Variants in EXOC4 observed in about 807,000 individuals in gnomAD.
EXOC4 encodes the protein exocyst complex component 4.
In EXOC4, 71 loss-of-function variants were observed where a neutral mutation model predicts 107.2. The observed-to-expected ratio is 0.66, with a 90% confidence interval of 0.55 to 0.81. The LOEUF is 0.81. EXOC4 is among the 30% of genes least tolerant of loss of function. The probability of loss-of-function intolerance (pLI) is 0.00; values close to 1 mark genes in which losing one functional copy is unlikely to be tolerated. For missense variants in EXOC4, 1,108 were observed against 1,189.6 expected (o/e 0.93, Z 1.01); for synonymous variants, 456 against 441.2 (o/e 1.03, Z -0.42).
intron 10 of EXOC4, among the ~76,000 whole-genome samples, chr7:133,643,428 T>C (rs532930710): frequency 3.9e-5 from 6 of 152,292 alleles, no homozygotes; most frequent in Non-Finnish European, 7.4e-5. Context: ...CTGACTCAAA[T>C]GTTAATCTTT....
intron 7 of EXOC4, among the ~76,000 whole-genome samples, chr7:133,474,090 A>G (rs1798950751): frequency 6.6e-6 from 1 of 152,082 alleles, no homozygotes; most frequent in Non-Finnish European, 1.5e-5. Flanking sequence ...TATTATTGAT[A>G]GGTAAGGACT....
chr7:133,542,871 TA>T (rs1800407907), intron 9 of EXOC4, among the ~76,000 whole-genome samples: 1 of 152,104 alleles, frequency 6.6e-6, no homozygotes, highest in Non-Finnish European at 1.5e-5. Context: ...AGAAAAATTT[TA>T]TTTTTTTTTT....
At position 133,480,083 on chromosome 7, in the gene EXOC4, C is replaced by T. The variant is rs747233393; in HGVS notation, c.1362C>T (p.Ser454=). Residue 454 remains serine (S), a synonymous_variant, in exon 9 of 18, where the codon AGC becomes AGT. Coordinates refer to ENST00000253861, the MANE Select transcript of EXOC4 (RefSeq NM_021807.4). The part of the protein sequence containing the change: ...FESSSHAISM[S]AYLREQRREL... ...CGTCCTCCCATGCCATCAGTATGAG[C>T]GCCTATCTGCGAGAACAGAGAAGGG... 1.6e-5 allele frequency: 26 copies of T among 1,613,842 alleles called. No homozygotes were observed. The highest frequency in any genetic ancestry group is 5.5e-5 in the South Asian group (5 of 91,082).
chr7:133,287,298 A>G (rs1453262060), intron 2 of EXOC4, among the ~76,000 whole-genome samples: 3 of 3,124 alleles, frequency 9.6e-4, no homozygotes, highest in South Asian at 0.019. Context: ...TAATCAGTCT[A>G]TTATATATAT....
chr7:133,279,829 A>AT (rs1445197470), intron 2 of EXOC4, among the ~76,000 whole-genome samples: 3 of 152,080 alleles, frequency 2.0e-5, no homozygotes, highest in Non-Finnish European at 4.4e-5. Flanking sequence ...TACATGTCTC[A>AT]TTTTTTGACA....
intron 9 of EXOC4, among the ~76,000 whole-genome samples, chr7:133,597,416 T>C (rs960117441): frequency 1.6e-4 from 25 of 151,910 alleles, no homozygotes; most frequent in Non-Finnish European, 4.4e-5. Context: ...AAGCCAGGCA[T>C]GGTGGCACAT....
chr7:134,067,945 C>G (rs148431488), downstream of EXOC4, among the ~76,000 whole-genome samples: 276 of 152,280 alleles, frequency 1.8e-3, no homozygotes, highest in African/African-American at 6.4e-3. Flanking sequence ...TTTTCCCCCT[C>G]CACACTGATT....
intron 17 of EXOC4, among the ~76,000 whole-genome samples, chr7:134,009,496 T>TGA (rs149592353): frequency 1.1e-4 from 16 of 151,554 alleles, no homozygotes; most frequent in African/African-American, 3.9e-4. Flanking sequence ...TGTGGGAAAG[T>TGA]GAGAGAGAGA....
At chr7:133,989,861 A>G (rs1794207989) in intron 14 of EXOC4, among the ~76,000 whole-genome samples, 2 of 152,158 alleles carry the variant, frequency 1.3e-5, no homozygotes, top group Admixed American at 6.5e-5. Context: ...AACAGCGCGA[A>G]TTTGGAAAAA....
At chr7:133,773,163 C>G (rs1315607175) in intron 10 of EXOC4, among the ~76,000 whole-genome samples, 2 of 152,022 alleles carry the variant, frequency 1.3e-5, no homozygotes, top group African/African-American at 4.8e-5. Context: ...GATTGAAAAC[C>G]ATACTATTTT....
At chr7:134,021,348 C>T (rs1194390577) in intron 17 of EXOC4, among the ~76,000 whole-genome samples, 2 of 152,178 alleles carry the variant, frequency 1.3e-5, no homozygotes, top group Non-Finnish European at 2.9e-5. Flanking sequence ...AGCATTTGCT[C>T]ACCACACGTA....
chr7:133,467,317 A>C (rs1050689147), intron 7 of EXOC4, among the ~76,000 whole-genome samples: 32 of 145,574 alleles, frequency 2.2e-4, no homozygotes, highest in African/African-American at 7.9e-4. Flanking sequence ...GTATAATCTT[A>C]TTGCCACTGC....
At chr7:133,527,369 A>C (rs1031107017) in intron 9 of EXOC4, among the ~76,000 whole-genome samples, 17 of 152,152 alleles carry the variant, frequency 1.1e-4, no homozygotes, top group Non-Finnish European at 2.4e-4. Flanking sequence ...GCGCCCCTGC[A>C]CTCTAGCCTG....
At chr7:133,458,863 A>G (rs1040016277) in intron 7 of EXOC4, among the ~76,000 whole-genome samples, 2 of 46,116 alleles carry the variant, frequency 4.3e-5, no homozygotes, top group Non-Finnish European at 9.8e-5. Flanking sequence ...CCTCCCTCCC[A>G]CCCCCACACC....
intron 7 of EXOC4, among the ~76,000 whole-genome samples, chr7:133,402,353 G>A (rs965635322): frequency 6.6e-6 from 1 of 152,124 alleles, no homozygotes; most frequent in African/African-American, 2.4e-5. Context: ...TTTATCTATC[G>A]GGAATAAGTT....
At chr7:133,265,100 C>T (rs1341031399) in intron 1 of EXOC4, among the ~76,000 whole-genome samples, 1 of 152,122 alleles carries the variant, frequency 6.6e-6, no homozygotes, top group Non-Finnish European at 1.5e-5. Context: ...CAGCTCTAGA[C>T]TCTTTTTTTC....
At chr7:133,468,909 A>C (rs1798800856) in intron 7 of EXOC4, among the ~76,000 whole-genome samples, 1 of 152,174 alleles carries the variant, frequency 6.6e-6, no homozygotes, top group Non-Finnish European at 1.5e-5. Context: ...CTTGCATTTT[A>C]AAAGAGCAAG....
chr7:133,265,865 A>G (rs571606781), intron 1 of EXOC4, among the ~76,000 whole-genome samples: 20 of 152,316 alleles, frequency 1.3e-4, no homozygotes, highest in African/African-American at 4.8e-4. Context: ...CCAGTTAATT[A>G]GTTTAGTTAT....
chr7:133,399,633 G>A (rs2150729439), intron 7 of EXOC4, among the ~76,000 whole-genome samples: 1 of 152,330 alleles, frequency 6.6e-6, no homozygotes, highest in Non-Finnish European at 1.5e-5. Context: ...CACACAAGAT[G>A]TGCCTCATGA....
Sources: allele counts gnomAD v4.1 joint callset (sites outside exome capture counted in the v4.1 genomes callset), GRCh38; gene constraint gnomAD v4.1.1; transcripts MANE v1.5; gene names NCBI Gene and HGNC (gene_info 2026-07-23, HGNC 2026-07-21).